Variants in AGAP1 observed in about 807,000 individuals in gnomAD.
The protein encoded by AGAP1 is arf-GAP with GTPase, ANK repeat and PH domain-containing protein 1.
AGAP1 carries 29 observed loss-of-function variants against 105.3 expected under a neutral mutation model. The ratio of observed to expected loss-of-function variants is 0.28; its 90% CI spans 0.21 to 0.38. The LOEUF (loss-of-function observed/expected upper bound fraction) is 0.38, where lower values mean the gene tolerates loss of function less well. Among genes scored for constraint, AGAP1 ranks in the 10% least tolerant of loss-of-function variants. The probability of loss-of-function intolerance (pLI) is 1.00; values close to 1 mark genes in which losing one functional copy is unlikely to be tolerated. For missense variants in AGAP1, 998 were observed against 1,165.1 expected (o/e 0.86, Z 2.09); for synonymous variants, 509 against 485.9 (o/e 1.05, Z -0.63).
rs969414840 is a variant in AGAP1 at position 235,872,963 on chromosome 2, A to C, written c.1051-10382A>C. ...GGCTCCACGGTCCCTGAAAGTCCCC[A>C]CTGGCTCAGTGCAGCTCTGGAATTA... On this transcript the variant is annotated intron_variant, in intron 9 of 17. Coordinates refer to ENST00000304032, the MANE Select transcript of AGAP1 (RefSeq NM_001037131.3). The surrounding 1 kb of genome is among the most constrained non-coding windows in gnomAD (Gnocchi z 4.5). 1.3e-5 allele frequency among the ~76,000 whole-genome samples: 2 copies of C among 152,174 alleles called. No individual in the cohort carries two copies. The highest frequency in any genetic ancestry group is 4.8e-5 in the African/African-American group (2 of 41,446).
chr2:236,087,326 G>T lies in AGAP1; in HGVS notation c.2115-32866G>T, dbSNP rs374974835. Reference sequence around the variant, plus strand: ...CAGAGCCCGGGGTGGGGGCGGGAGCGGGGGCTAGCTGTGGGTGTTCATTGA... The same window carrying T: ...CAGAGCCCGGGGTGGGGGCGGGAGCTGGGGCTAGCTGTGGGTGTTCATTGA... On this transcript the variant is annotated intron_variant, in intron 16 of 17. Coordinates refer to ENST00000304032, the MANE Select transcript of AGAP1 (RefSeq NM_001037131.3). The surrounding 1 kb of genome is among the most constrained non-coding windows in gnomAD (Gnocchi z 5.7). Among the ~76,000 whole-genome samples, 3 of 152,236 alleles carry T rather than the reference G, an allele frequency of 2.0e-5. No homozygotes were observed. The South Asian group carries it at 6.2e-4, about 32-fold the overall frequency.
chr2:235,849,101 G>A (rs1961854426), intron 9 of AGAP1, among the ~76,000 whole-genome samples: 1 of 152,208 alleles, frequency 6.6e-6, no homozygotes, highest in African/African-American at 2.4e-5. Flanking sequence ...ATTGGCAGCT[G>A]ACAGGCTGTA....
Position 236,127,785 on chromosome 2 carries a change from C to G in AGAP1, c.*3663C>G, listed in dbSNP as rs917654398. 1 of 152,376 alleles carries G rather than the reference C, an allele frequency of 6.6e-6. No homozygotes were observed. The highest frequency in any genetic ancestry group is 3.4e-3 in the Middle Eastern group (1 of 294). 9.4% of individuals were successfully genotyped at this position (152,376 alleles called of 1,614,324 possible). ...GAGAAAGACAGACCCCTAGGCTCAG[C>G]TGGCCCTGCCATCCTTCCAGAGGAT... On this transcript the variant is annotated 3_prime_UTR_variant, in exon 18 of 18. Coordinates refer to ENST00000304032, the MANE Select transcript of AGAP1 (RefSeq NM_001037131.3). The surrounding 1 kb of genome is among the most constrained non-coding windows in gnomAD (Gnocchi z 6.6).
intron 1 of AGAP1, among the ~76,000 whole-genome samples, chr2:235,679,806 T>G (rs1004645140): frequency 2.6e-5 from 4 of 152,232 alleles, no homozygotes; most frequent in Non-Finnish European, 5.9e-5. Context: ...ATATTCCTTG[T>G]TGGGCGTGAC....
At chr2:235,670,670 G>GCCGGGACCACCCTGGAGC (rs1559330171) in intron 1 of AGAP1, 1 of 662,492 alleles carries the variant, frequency 1.5e-6, no homozygotes, top group Admixed American at 2.3e-5. Flanking sequence ...CGAGGCCGCG[G>GCCGGGACCACCCTGGAGC]CCGGGACCAC....
chr2:235,746,251 A>T (rs1051668995), intron 5 of AGAP1, among the ~76,000 whole-genome samples: 3 of 151,072 alleles, frequency 2.0e-5, no homozygotes, highest in Admixed American at 6.6e-5. Context: ...GTGCCACTGC[A>T]CTCCAGCCTG....
intron 9 of AGAP1, among the ~76,000 whole-genome samples, chr2:235,826,490 C>T (rs1452914489): frequency 6.6e-6 from 1 of 152,124 alleles, no homozygotes; most frequent in Non-Finnish European, 1.5e-5. Flanking sequence ...TGCTCTGTCA[C>T]CCAGGCTGGA....
intron 1 of AGAP1, among the ~76,000 whole-genome samples, chr2:235,518,575 C>T (rs1942490744): frequency 6.6e-6 from 1 of 152,122 alleles, no homozygotes; most frequent in South Asian, 2.1e-4. Context: ...CCACCGTCAG[C>T]CTTGGGAGGG....
At chr2:235,563,170 G>A (rs1944219811) in intron 1 of AGAP1, among the ~76,000 whole-genome samples, 1 of 152,214 alleles carries the variant, frequency 6.6e-6, no homozygotes, top group African/African-American at 2.4e-5. Flanking sequence ...CTTGGGAGGT[G>A]TGCAGCCCCA....
intron 1 of AGAP1, among the ~76,000 whole-genome samples, chr2:235,696,685 A>G (rs7582578): frequency 0.069 from 10,548 of 152,206 alleles, 1,169 homozygotes; most frequent in African/African-American, 0.24. Flanking sequence ...GCACCATGCT[A>G]TCGCTGCCCC....
At chr2:235,653,399 G>C (rs1947667943) in intron 1 of AGAP1, among the ~76,000 whole-genome samples, 1 of 152,138 alleles carries the variant, frequency 6.6e-6, no homozygotes, top group Admixed American at 6.5e-5. Context: ...GGGAGGCAGA[G>C]CTTGCAGTGA....
At chr2:235,696,992 A>G (rs770484764) in intron 1 of AGAP1, among the ~76,000 whole-genome samples, 1 of 152,128 alleles carries the variant, frequency 6.6e-6, no homozygotes, top group Non-Finnish European at 1.5e-5. Context: ...TCTCAAAAAA[A>G]AAAAGAGAAG....
rs147406114 is a variant in AGAP1, at chr2:236,073,237, C to T, written c.2114+23956C>T. Among the ~76,000 whole-genome samples, 932 of 152,230 alleles carry T rather than the reference C, an allele frequency of 6.1e-3. 7 individuals are homozygous for T. The highest frequency in any genetic ancestry group is 0.021 in the African/African-American group (893 of 41,536). On this transcript the variant is annotated intron_variant, in intron 16 of 17. Transcript: ENST00000304032. This position sits in a 1 kb window ranked among gnomAD's most constrained non-coding sequence, Gnocchi z 5.4. ...GTCTCGAACTCCTGACCTCGTGAAC[C>T]ACCCGCCTCGGCCTCCCAAAGTGCT...
rs1248367128 is a variant in AGAP1 at position 235,642,710 on chromosome 2, C to T, written c.164-66469C>T. 1.3e-5 allele frequency among the ~76,000 whole-genome samples: 2 copies of T among 152,238 alleles called. No homozygotes were observed. The highest frequency in any genetic ancestry group is 4.8e-5 in the African/African-American group (2 of 41,464). On this transcript the variant is annotated intron_variant, in intron 1 of 17. Transcript: ENST00000304032. This position sits in a 1 kb window ranked among gnomAD's most constrained non-coding sequence, Gnocchi z 4.1. The stretch of plus-strand genomic sequence containing the variant: ...GCTACTTTGCTTCAGGAAGTTACAG[C>T]AGCCATAGAGGACTCTGCTTATGTG...
intron 9 of AGAP1, among the ~76,000 whole-genome samples, chr2:235,840,188 C>G (rs955652993): frequency 6.6e-6 from 1 of 152,204 alleles, no homozygotes; most frequent in African/African-American, 2.4e-5. Flanking sequence ...GACAACCAGT[C>G]TTTCATGACA....
Position 235,901,436 on chromosome 2 carries a change from A to G in AGAP1, c.1156-7302A>G, listed in dbSNP as rs2051059209. On this transcript the variant is annotated intron_variant, in intron 10 of 17. Coordinates refer to ENST00000304032, the MANE Select transcript of AGAP1 (RefSeq NM_001037131.3). The surrounding 1 kb of genome is among the most constrained non-coding windows in gnomAD (Gnocchi z 4.3). ...GGAGAAGGAGGAACAAACAAATGTG[A>G]AAACATTTACAATATCTTTCCACAG... Among the ~76,000 whole-genome samples the G allele has an allele frequency of 6.6e-6, 1 of 152,218 alleles. No homozygotes were observed. Among genetic ancestry groups the G allele is most frequent in the African/African-American group, 2.4e-5 (1 of 41,456 alleles).
At chr2:235,844,767 G>A (rs1961277081) in intron 9 of AGAP1, among the ~76,000 whole-genome samples, 1 of 152,154 alleles carries the variant, frequency 6.6e-6, no homozygotes, top group South Asian at 2.1e-4. Flanking sequence ...CCACCTGGCT[G>A]GTCCTGCTGG....
At chr2:235,972,796 C>T (rs911746286) in intron 13 of AGAP1, among the ~76,000 whole-genome samples, 1 of 152,188 alleles carries the variant, frequency 6.6e-6, no homozygotes, top group Non-Finnish European at 1.5e-5. Context: ...CCCTGAAGCC[C>T]GTGCCATGCC....
rs1401431487 is a variant in AGAP1 at position 235,792,859 on chromosome 2, C to T, written c.674-4900C>T. On this transcript the variant is annotated intron_variant, in intron 6 of 17. Transcript: ENST00000304032. This position sits in a 1 kb window ranked among gnomAD's most constrained non-coding sequence, Gnocchi z 5.3. The stretch of plus-strand genomic sequence containing the variant: ...AGGCAGGATGTGAGGCAGAGCTCTT[C>T]GTGGCAGTGGCGATCCTGGGAGCTC... Among the ~76,000 whole-genome samples, 3 of 152,244 alleles carry T rather than the reference C, an allele frequency of 2.0e-5. No homozygotes were observed. The highest frequency in any genetic ancestry group is 2.1e-4 in the South Asian group (1 of 4,810).
Sources: allele counts gnomAD v4.1 joint callset (sites outside exome capture counted in the v4.1 genomes callset), GRCh38; gene constraint gnomAD v4.1.1; non-coding constraint Gnocchi (gnomAD v3.1); transcripts MANE v1.5; gene names NCBI Gene and HGNC (gene_info 2026-07-23, HGNC 2026-07-21).